Variants in OR51I2 observed in about 807,000 individuals in gnomAD.
OR51I2 encodes olfactory receptor family 51 subfamily I member 2, also known as olfactory receptor 51I2.
A neutral mutation model predicts 9.3 loss-of-function variants in OR51I2; 6 were observed. The ratio of observed to expected loss-of-function variants is 0.64; its 90% CI spans 0.35 to 1.27. The LOEUF (loss-of-function observed/expected upper bound fraction) is 1.27. OR51I2 is among the 50% of genes most tolerant of loss of function. OR51I2 has a pLI of 0.03. For synonymous variants in OR51I2, 179 were observed against 143.1 expected (o/e 1.25, Z -1.79); for missense variants, 489 against 396.4 (o/e 1.23, Z -1.98).
intron 1 of OR51I2, 118 bp downstream of exon 1, chr11:5,449,482 A>G: frequency 6.6e-6 from 1 of 152,556 alleles, no homozygotes; most frequent in Non-Finnish European, 1.5e-5. Context: ...GGTGGAGGGT[A>G]TCTGATAGAA....
chr11:5,456,240 T>C lies in OR51I2; in HGVS notation c.*1813T>C, dbSNP rs1850956928. The C allele has an allele frequency of 1.3e-5, 2 of 152,186 alleles. No homozygotes were observed. Among genetic ancestry groups the C allele is most frequent in the African/African-American group, 4.8e-5 (2 of 41,448 alleles). 9.4% of individuals were successfully genotyped at this position (152,186 alleles called of 1,614,324 possible). A position where few individuals can be genotyped will look rare whatever the true frequency, so the allele number is the denominator to read the frequency against. On this transcript the variant is annotated 3_prime_UTR_variant, in exon 2 of 2. Coordinates refer to ENST00000641930, the MANE Select transcript of OR51I2 (RefSeq NM_001004754.3). ...AGAAAGGGCAAGGAACAAGAAAATATGAGCCTCCCAAAAAGCCTCTGGCTC... is the reference window on the plus strand; with the variant it reads ...AGAAAGGGCAAGGAACAAGAAAATACGAGCCTCCCAAAAAGCCTCTGGCTC...
In OR51I2 at chr11:5,456,382, A is replaced by T. The variant is rs1447714804; in HGVS notation, c.*1955A>T. 1.3e-5 allele frequency: 2 copies of T among 152,302 alleles called. No homozygotes were observed. 9.4% of individuals were successfully genotyped at this position (152,302 alleles called of 1,614,324 possible). On this transcript the variant is annotated 3_prime_UTR_variant, in exon 2 of 2. Transcript: ENST00000641930. ...TTCCCTCCCTCATGAGACAGATGCCATAAGAAAAATGTAGGGCCACTCCTG... is the reference window on the plus strand; with the variant it reads ...TTCCCTCCCTCATGAGACAGATGCCTTAAGAAAAATGTAGGGCCACTCCTG...
chr11:5,451,633 A>G (rs1850850638), intron 1 of OR51I2, among the ~76,000 whole-genome samples: 1 of 152,128 alleles, frequency 6.6e-6, no homozygotes, highest in Non-Finnish European at 1.5e-5. Context: ...TGGGGTGACA[A>G]TGCTTCATTG....
rs760134764 is a variant in OR51I2, at chr11:5,454,004, T to C, written c.516T>C (p.Asn172=). 2.5e-6 allele frequency: 4 copies of C among 1,614,048 alleles called. No homozygotes were observed. Among genetic ancestry groups the C allele is most frequent in the South Asian group, 1.1e-5 (1 of 91,076 alleles). ...LIKRLPICRS[N]VLSHSYCLHP... is the part of the protein sequence containing the mutation. ...AGAGGCTGCCTATCTGCAGATCCAA[T>C]GTTCTTTCTCACTCCTACTGCCTGC... is the stretch of plus-strand genomic sequence containing the variant. Residue 172 remains asparagine, a synonymous_variant, in exon 2 of 2, where the codon AAT becomes AAC. Transcript: ENST00000641930.
intron 1 of OR51I2, among the ~76,000 whole-genome samples, chr11:5,451,908 CA>C (rs1418418864): frequency 2.0e-5 from 3 of 152,090 alleles, no homozygotes; most frequent in African/African-American, 7.2e-5. Context: ...GCAATGAACA[CA>C]AAAGTGTGTC....
At chr11:5,449,538 T>C (rs1850814058) in intron 1 of OR51I2, among the ~76,000 whole-genome samples, 174 bp downstream of exon 1, 1 of 152,208 alleles carries the variant, frequency 6.6e-6, no homozygotes. Flanking sequence ...TCTCTGGACT[T>C]GGGGTTCTTG....
Position 5,454,170 on chromosome 11 carries a change from A to G in OR51I2, c.682A>G (p.Thr228Ala), listed in dbSNP as rs1474442412. 1.9e-6 allele frequency: 3 copies of G among 1,613,690 alleles called. No homozygotes were observed. The African/African-American group carries it at 4.0e-5, about 22-fold the overall frequency. The part of the protein sequence containing the change: ...YVLILRSVMA[T>A]ASREERLKAL... ...GCTCATTCTGCGTTCTGTCATGGCC[A>G]CTGCTTCCCGTGAGGAACGCCTCAA... Residue 228 changes from threonine (T) to alanine (A), a missense_variant, in exon 2 of 2, where the codon ACT (threonine) becomes GCT (alanine). By Grantham distance (58) the Thr-to-Ala change is moderately conservative. Coordinates refer to ENST00000641930, the MANE Select transcript of OR51I2 (RefSeq NM_001004754.3).
Position 5,453,843 on chromosome 11 carries a change from A to G in OR51I2, c.355A>G (p.Ser119Gly). Residue 119 changes from serine to glycine, a missense_variant, in exon 2 of 2, where the codon AGT becomes GGT. Transcript: ENST00000641930. ...MMESGILLAM[S>G]FDRYVAICDP... The stretch of plus-strand genomic sequence containing the variant: ...GGAATCAGGTATTCTGCTGGCCATG[A>G]GTTTTGACCGCTATGTGGCCATTTG... 6.2e-7 allele frequency: 1 copy of G among 1,614,122 alleles called. No homozygotes were observed. Among genetic ancestry groups the G allele is most frequent in the Non-Finnish European group, 8.5e-7 (1 of 1,180,018 alleles).
intron 1 of OR51I2, among the ~76,000 whole-genome samples, chr11:5,452,504 C>CAAAAAAAAAAAAAAAAAAAAAAAAAAAA (rs56677841): frequency 1.4e-5 from 1 of 69,188 alleles, no homozygotes; most frequent in Non-Finnish European, 2.6e-5. Context: ...GACTCTGTCT[C>CAAAAAAAAAAAAAAAAAAAAAAAAAAAA]AAAAAAAAAA....
chr11:5,450,795 C>T (rs1850833820), intron 1 of OR51I2, among the ~76,000 whole-genome samples: 1 of 152,168 alleles, frequency 6.6e-6, no homozygotes, highest in South Asian at 2.1e-4. Flanking sequence ...GTTCAACTCC[C>T]GCTTATGAGT....
At position 5,454,362 on chromosome 11, in the gene OR51I2, T is replaced by G. The variant is rs748123650; in HGVS notation, c.874T>G (p.Tyr292Asp). ...FVPPVLNPLI[Y>D]SAKTKEIRRA... ...GCCTCCTGTGCTCAACCCTCTCATTTATAGCGCCAAGACAAAGGAAATCCG... is the reference window on the plus strand; with the variant it reads ...GCCTCCTGTGCTCAACCCTCTCATTGATAGCGCCAAGACAAAGGAAATCCG... Residue 292 changes from tyrosine to aspartate, a missense_variant, in exon 2 of 2, where the codon TAT (tyrosine) becomes GAT (aspartate). Tyr to Asp is a radical substitution (Grantham distance 160, BLOSUM62 -3). Transcript: ENST00000641930. 1 of 1,613,924 alleles carries G rather than the reference T, an allele frequency of 6.2e-7. No homozygotes were observed. The highest frequency in any genetic ancestry group is 8.5e-7 in the Non-Finnish European group (1 of 1,180,034).
Position 5,453,593 on chromosome 11 carries a change from T to C in OR51I2, c.105T>C (p.Tyr35=), listed in dbSNP as rs368086802. 6.2e-7 allele frequency: 1 copy of C among 1,613,658 alleles called. No homozygotes were observed. Among genetic ancestry groups the C allele is most frequent in the Non-Finnish European group, 8.5e-7 (1 of 1,179,870 alleles). The change falls in exon 2 of 2, where the codon TAT becomes TAC. Residue 35 remains tyrosine, a synonymous_variant. Transcript: ENST00000641930. ...SWLSGPLCVM[Y]AVALGGNTVI... is the part of the protein sequence containing the mutation. ...TGTCAGGGCCCCTCTGCGTGATGTA[T>C]GCTGTGGCCCTTGGGGGAAATACAG... is the stretch of plus-strand genomic sequence containing the variant.
In OR51I2 at chr11:5,454,156, G is replaced by A. The variant is rs746240729; in HGVS notation, c.668G>A (p.Arg223His). 86 of 1,613,894 alleles carry A rather than the reference G, an allele frequency of 5.3e-5. No individual in the cohort carries two copies. The highest frequency in any genetic ancestry group is 2.9e-4 in the East Asian group (13 of 44,886). ...TTCCTCTCCTATGTGCTCATTCTGC[G>A]TTCTGTCATGGCCACTGCTTCCCGT... ...FIFLSYVLIL[R>H]SVMATASREE... is the part of the protein sequence containing the mutation. The change falls in exon 2 of 2, where the codon CGT (arginine) becomes CAT (histidine). Residue 223 changes from arginine to histidine, a missense_variant. By Grantham distance (29) the Arg-to-His change is conservative (BLOSUM62 0). Coordinates refer to ENST00000641930, the MANE Select transcript of OR51I2 (RefSeq NM_001004754.3).
At chr11:5,452,384 T>C (rs1330461915) in intron 1 of OR51I2, among the ~76,000 whole-genome samples, 1 of 151,728 alleles carries the variant, frequency 6.6e-6, no homozygotes, top group Non-Finnish European at 1.5e-5. Flanking sequence ...CGGGAGCCTG[T>C]AGTCCCAACT....
chr11:5,454,542 G>A lies in OR51I2; in HGVS notation c.*115G>A. ...TGTGTGCTGCGGGAAAAGTAGGCCA[G>A]GAGATGGTGATGCAAAACTTATAAC... On this transcript the variant is annotated 3_prime_UTR_variant, in exon 2 of 2. Coordinates refer to ENST00000641930, the MANE Select transcript of OR51I2 (RefSeq NM_001004754.3). 1 of 867,604 alleles carries A rather than the reference G, an allele frequency of 1.2e-6. No individual in the cohort carries two copies. Among genetic ancestry groups the A allele is most frequent in the Non-Finnish European group, 1.8e-6 (1 of 563,164 alleles). The allele number at this position is 867,604 out of a possible 1,614,324, so 53.7% of individuals were successfully genotyped here.
rs1564819363 is a variant in OR51I2 at position 5,455,601 on chromosome 11, A to AGAGAAAG, written c.*1174_*1175insGAGAAAG. ...AGAAAGAGAAAGAGAGAAAGAGAAA[A>AGAGAAAG]AGAGAAAGAGAAAGAGAGAAAGAGA... On this transcript the variant is annotated 3_prime_UTR_variant, in exon 2 of 2. Coordinates refer to ENST00000641930, the MANE Select transcript of OR51I2 (RefSeq NM_001004754.3). The AGAGAAAG allele has an allele frequency of 2.0e-5, 2 of 100,306 alleles. No individual in the cohort carries two copies. Among genetic ancestry groups the AGAGAAAG allele is most frequent in the African/African-American group, 6.9e-5 (2 of 29,188 alleles). 6.2% of individuals were successfully genotyped at this position (100,306 alleles called of 1,614,324 possible).
intron 1 of OR51I2, among the ~76,000 whole-genome samples, chr11:5,450,520 T>C (rs750848083): frequency 3.9e-5 from 6 of 152,162 alleles, no homozygotes; most frequent in African/African-American, 9.7e-5. Flanking sequence ...ACCCTCGGGG[T>C]CCTTTCTTCT....
chr11:5,455,422 C>G lies in OR51I2; in HGVS notation c.*995C>G, dbSNP rs544097478. 3.3e-5 allele frequency: 5 copies of G among 150,480 alleles called. No individual in the cohort carries two copies. Among genetic ancestry groups the G allele is most frequent in the Non-Finnish European group, 7.4e-5 (5 of 67,858 alleles). 9.3% of individuals were successfully genotyped at this position (150,480 alleles called of 1,614,324 possible). Reference sequence around the variant, plus strand: ...TTTAGATACCAGAAAATAATTCTTTCAGACCTTCTCATACGCTTCCCTTGA... The same window carrying G: ...TTTAGATACCAGAAAATAATTCTTTGAGACCTTCTCATACGCTTCCCTTGA... On this transcript the variant is annotated 3_prime_UTR_variant, in exon 2 of 2. Coordinates refer to ENST00000641930, the MANE Select transcript of OR51I2 (RefSeq NM_001004754.3).
At chr11:5,452,752 G>T (rs1017833538) in intron 1 of OR51I2, among the ~76,000 whole-genome samples, 2 of 152,134 alleles carry the variant, frequency 1.3e-5, no homozygotes, top group African/African-American at 4.8e-5. Flanking sequence ...TTTGTATTTG[G>T]AACAATGCTC....
Sources: gnomAD v4.1 joint callset for allele counts (sites outside exome capture counted in the v4.1 genomes callset) on GRCh38, gnomAD v4.1.1 for gene constraint, MANE v1.5 for transcripts, NCBI Gene and HGNC (gene_info 2026-07-23, HGNC 2026-07-21) for gene names.